HMCN2: variants seen among roughly 807,000 people sequenced by gnomAD.
HMCN2 encodes the protein hemicentin 2.
HMCN2 carries 325 observed loss-of-function variants against 377.5 expected under a neutral mutation model. That is an observed-to-expected ratio of 0.86 (90% CI 0.79 to 0.94). HMCN2 has a LOEUF of 0.94. HMCN2 is among the 40% of genes least tolerant of loss of function. The probability of loss-of-function intolerance (pLI) is 0.00; values close to 1 mark genes in which losing one functional copy is unlikely to be tolerated. For synonymous variants in HMCN2, 2,007 were observed against 2,046.8 expected, an observed-to-expected ratio of 0.98 and a Z score of 0.53; for missense variants, 4,543 against 4,725.3, an observed-to-expected ratio of 0.96 and a Z score of 1.13.
At chr9:130,373,967 G>A (rs1841231961) in intron 48 of HMCN2, among the ~76,000 whole-genome samples, 1 of 152,008 alleles carries the variant, frequency 6.6e-6, no homozygotes, top group South Asian at 2.1e-4. Flanking sequence ...TGGTTGGATG[G>A]TTGGGTGGTT....
At chr9:130,313,605 C>CT (rs1554939712) in intron 15 of HMCN2, among the ~76,000 whole-genome samples, 1 of 151,682 alleles carries the variant, frequency 6.6e-6, no homozygotes, top group Non-Finnish European at 1.5e-5. Flanking sequence ...TGGGCACCCC[C>CT]CCCCATAAAC....
In HMCN2 at chr9:130,428,159, G is replaced by A. The variant is rs1431958085; in HGVS notation, c.14066-199G>A. ...TTGGAAGCTGCAGGCCCAAGGACTC[G>A]GGTCCCTTGGAGTGGGCCCTATGTT... On this transcript the variant is annotated intron_variant, in intron 92 of 97. Transcript: ENST00000683500. This position sits in a 1 kb window ranked among gnomAD's most constrained non-coding sequence, Gnocchi z 5.0. Among the ~76,000 whole-genome samples, 1 of 152,204 alleles carries A rather than the reference G, an allele frequency of 6.6e-6. No individual in the cohort carries two copies. The highest frequency in any genetic ancestry group is 1.5e-5 in the Non-Finnish European group (1 of 68,026).
intron 1 of HMCN2, among the ~76,000 whole-genome samples, chr9:130,268,741 G>A (rs1172296039): frequency 1.3e-5 from 2 of 149,120 alleles, no homozygotes; most frequent in East Asian, 1.9e-4. Context: ...GGTAAGGACC[G>A]GGGGATGGAC....
At chr9:130,398,155 A>AT (rs1202819157) in intron 74 of HMCN2, among the ~76,000 whole-genome samples, 1 of 137,888 alleles carries the variant, frequency 7.3e-6, no homozygotes, top group Non-Finnish European at 1.6e-5. Context: ...TCCGTCTACA[A>AT]AAAAAAAAAA....
intron 95 of HMCN2, chr9:130,431,091 C>T (rs913787640): frequency 2.2e-5 from 12 of 537,916 alleles, no homozygotes; most frequent in Admixed American, 6.7e-5. Flanking sequence ...GCTGATGCCT[C>T]GGCATTCCCG....
chr9:130,303,452 G>T lies in HMCN2; in HGVS notation c.1422-35G>T. On this transcript the variant is annotated intron_variant, in intron 9 of 97. Transcript: ENST00000683500. This position sits in a 1 kb window ranked among gnomAD's most constrained non-coding sequence, Gnocchi z 5.2. ...GGGGGGACCCTGAGTGGGGGTCAGTGTGATTGTGTGTCTCCCACTGTTCCC... is the reference window on the plus strand; with the variant it reads ...GGGGGGACCCTGAGTGGGGGTCAGTTTGATTGTGTGTCTCCCACTGTTCCC... 2.3e-6 allele frequency: 1 copy of T among 425,540 alleles called. No individual in the cohort carries two copies. Among genetic ancestry groups the T allele is most frequent in the Non-Finnish European group, 5.0e-6 (1 of 201,524 alleles). 26.4% of individuals were successfully genotyped at this position (425,540 alleles called of 1,614,324 possible).
intron 87 of HMCN2, 91 bp from the exon 88 acceptor site, chr9:130,424,685 G>A: frequency 1.5e-6 from 2 of 1,359,780 alleles, no homozygotes; most frequent in Non-Finnish European, 9.7e-7. Context: ...GCTCTCCTGG[G>A]GGCAGTGGGG....
At position 130,419,003 on chromosome 9, in the gene HMCN2, T is replaced by C; in HGVS notation, c.13193T>C (p.Leu4398Pro). 6.7e-7 allele frequency: 1 copy of C among 1,498,768 alleles called. No homozygotes were observed. Among genetic ancestry groups the C allele is most frequent in the South Asian group, 1.3e-5 (1 of 76,766 alleles). 92.8% of individuals were successfully genotyped at this position (1,498,768 alleles called of 1,614,324 possible). The change falls in exon 86 of 98, where the codon CTG becomes CCG. Residue 4398 changes from leucine (L) to proline (P), a missense_variant. Leu to Pro is a moderately conservative substitution (Grantham distance 98, BLOSUM62 -3). This residue lies in a region of HMCN2 where 1,155 missense variants were observed against 1,157.7 expected (regional missense o/e 1.00). Coordinates refer to ENST00000683500, the MANE Select transcript of HMCN2 (RefSeq NM_001291815.2). ...TACGACTGCGTCGCTCACAACCTCCTGGGCTCTGCCACAGCCCGGGCGTTC... is the reference window on the plus strand; with the variant it reads ...TACGACTGCGTCGCTCACAACCTCCCGGGCTCTGCCACAGCCCGGGCGTTC... Reference protein sequence around the residue: ...GTYDCVAHNLLGSATARAFLV... With the variant: ...GTYDCVAHNLPGSATARAFLV...
intron 25 of HMCN2, among the ~76,000 whole-genome samples, chr9:130,345,500 CAT>C (rs1285687889): frequency 2.2e-5 from 3 of 137,216 alleles, no homozygotes; most frequent in East Asian, 2.2e-4. Context: ...GTATGTATGT[CAT>C]GTGTGGTATG....
chr9:130,293,300 T>TTTTTTTTTTTTTTTTTG (rs1491174902), intron 4 of HMCN2, among the ~76,000 whole-genome samples: 1 of 126,732 alleles, frequency 7.9e-6, no homozygotes, highest in African/African-American at 2.9e-5. Context: ...TTTTTTTTTT[T>TTTTTTTTTTTTTTTTTG]GCGGTTCTTG....
rs1841331502 is a variant in HMCN2, at chr9:130,375,603, T to C, written c.7671T>C (p.Asp2557=). 5.1e-6 allele frequency: 5 copies of C among 985,772 alleles called. No individual in the cohort carries two copies. The highest frequency in any genetic ancestry group is 6.0e-6 in the Non-Finnish European group (5 of 829,900). 61.1% of individuals were successfully genotyped at this position (985,772 alleles called of 1,614,324 possible). Residue 2557 remains aspartate (D), a synonymous_variant, in exon 50 of 98, where the codon GAT becomes GAC. Transcript: ENST00000683500. ...TILGGAEDSA[D]EEVTVTVNNP... ...TGGGAGGGGCCGAGGACAGTGCAGA[T>C]GAGGAGGTGACCGTGACTGTCAACA...
Position 130,425,870 on chromosome 9 carries a change from TTTGATC to T in HMCN2, c.13826_13831del (p.Phe4609_Pro4611delinsSer). ...GCGGGCCTCAGCTATCAGCTCGGCC[TTTGATC>T]CAGAGGCCGAGGCCCTGCGCTTCCA... On this transcript the variant is annotated inframe_deletion, in exon 90 of 98. Transcript: ENST00000683500. 6.5e-7 allele frequency: 1 copy of T among 1,550,360 alleles called. No individual in the cohort carries two copies. The highest frequency in any genetic ancestry group is 8.7e-7 in the Non-Finnish European group (1 of 1,146,954).
intron 5 of HMCN2, among the ~76,000 whole-genome samples, chr9:130,295,280 T>C (rs868960985): frequency 6.6e-6 from 1 of 152,042 alleles, no homozygotes; most frequent in Non-Finnish European, 1.5e-5. Flanking sequence ...TCCCCAAGTC[T>C]TTTCCGTGGT....
intron 53 of HMCN2, among the ~76,000 whole-genome samples, chr9:130,378,976 G>A (rs1466382211): frequency 6.6e-6 from 1 of 152,146 alleles, no homozygotes; most frequent in Non-Finnish European, 1.5e-5. Context: ...GCTTCCAACT[G>A]TGAAAAATAT....
chr9:130,351,625 C>G lies in HMCN2; in HGVS notation c.4585+48C>G. 1.1e-5 allele frequency: 14 copies of G among 1,274,502 alleles called. No homozygotes were observed. Among genetic ancestry groups the G allele is most frequent in the Non-Finnish European group, 1.4e-5 (14 of 969,280 alleles). 78.9% of individuals were successfully genotyped at this position (1,274,502 alleles called of 1,614,324 possible). On this transcript the variant is annotated intron_variant, in intron 30 of 97. Transcript: ENST00000683500. The surrounding 1 kb of genome is among the most constrained non-coding windows in gnomAD (Gnocchi z 5.4). ...ACCCCGCCACAGGCTACTCAGGAAG[C>G]TTCCCACCCAGCTGCCCGCTGCCTT... is the stretch of plus-strand genomic sequence containing the variant.
At chr9:130,424,750 C>T (rs1027755611) in intron 87 of HMCN2, 26 bp from the exon 88 acceptor site, 24 of 1,515,714 alleles carry the variant, frequency 1.6e-5, no homozygotes, top group African/African-American at 1.1e-4. Flanking sequence ...AGCTCTAACC[C>T]GGCCTCTATG....
rs1411015747 is a variant in HMCN2 at position 130,394,052 on chromosome 9, G to A, written c.10501+44G>A. 10 of 1,201,996 alleles carry A rather than the reference G, an allele frequency of 8.3e-6. No homozygotes were observed. In the East Asian group the frequency reaches 5.3e-4, roughly 64 times the overall value. 74.5% of individuals were successfully genotyped at this position (1,201,996 alleles called of 1,614,324 possible). A position where few individuals can be genotyped will look rare whatever the true frequency, so the allele number is the denominator to read the frequency against. On this transcript the variant is annotated intron_variant, in intron 68 of 97. Transcript: ENST00000683500. The surrounding 1 kb of genome is among the most constrained non-coding windows in gnomAD (Gnocchi z 5.1). The stretch of plus-strand genomic sequence containing the variant: ...GGCCAGCTTCTCTGGGCTCGGGGGA[G>A]AGGGTGGGACTCTAGGGGCAATGGG...
At position 130,377,745 on chromosome 9, in the gene HMCN2, G is replaced by A; in HGVS notation, c.8158G>A (p.Val2720Met). The change falls in exon 53 of 98, where the codon GTG becomes ATG. Residue 2720 changes from valine (V) to methionine (M), a missense_variant. By Grantham distance (21) the Val-to-Met change is conservative (BLOSUM62 1). Transcript: ENST00000683500. Reference protein sequence around the residue: ...QVSDSGRYLCVATNVAGEDDQ... With the variant: ...QVSDSGRYLCMATNVAGEDDQ... The stretch of plus-strand genomic sequence containing the variant: ...CTCAGACTCGGGGCGGTACCTGTGT[G>A]TGGCCACCAATGTGGCTGGCGAGGA... 1.0e-6 allele frequency: 1 copy of A among 985,946 alleles called. No individual in the cohort carries two copies. Among genetic ancestry groups the A allele is most frequent in the Non-Finnish European group, 1.2e-6 (1 of 829,976 alleles). 61.1% of individuals were successfully genotyped at this position (985,946 alleles called of 1,614,324 possible).
chr9:130,346,739 G>C (rs1218153654), intron 25 of HMCN2, among the ~76,000 whole-genome samples: 5 of 152,148 alleles, frequency 3.3e-5, no homozygotes, highest in South Asian at 2.1e-4. Flanking sequence ...CTCGTCGGGT[G>C]GGGGACACGG....
Sources: gnomAD v4.1 joint callset for allele counts (sites outside exome capture counted in the v4.1 genomes callset) on GRCh38, gnomAD v4.1.1 for gene constraint, gnomAD v4.1.1 regional missense constraint, Gnocchi (gnomAD v3.1) non-coding constraint, MANE v1.5 for transcripts, NCBI Gene and HGNC (gene_info 2026-07-23, HGNC 2026-07-21) for gene names.